Variants in COL25A1 observed in about 807,000 individuals in gnomAD.
The protein encoded by COL25A1 is collagen type XXV alpha 1 chain, also known as collagen alpha-1(XXV) chain.
COL25A1 carries 103 observed loss-of-function variants against 128.4 expected under a neutral mutation model. The ratio of observed to expected loss-of-function variants is 0.80; its 90% CI spans 0.68 to 0.94. The LOEUF (loss-of-function observed/expected upper bound fraction) is 0.94. Among genes scored for constraint, COL25A1 ranks in the 40% least tolerant of loss-of-function variants. COL25A1 has a pLI of 0.00. For synonymous variants in COL25A1, 279 were observed against 277.2 expected (o/e 1.01, Z -0.06); for missense variants, 745 against 840.0 (o/e 0.89, Z 1.40).
At position 109,232,593 on chromosome 4, in the gene COL25A1, CCTTTA is replaced by C. The variant is rs1333143238; in HGVS notation, c.367+67985_367+67989del. Among the ~76,000 whole-genome samples the C allele has an allele frequency of 2.6e-5, 4 of 152,154 alleles. No individual in the cohort carries two copies. In the East Asian group the frequency reaches 7.7e-4, roughly 29 times the overall value. ...AATTTCCTAATGTAAGCTGCATTCTCCTTTACAACACAAAATATATCCATTCAATT... is the reference window on the plus strand; with the variant it reads ...AATTTCCTAATGTAAGCTGCATTCTCCAACACAAAATATATCCATTCAATT... On this transcript the variant is annotated intron_variant, in intron 3 of 37. Transcript: ENST00000399132.
At chr4:109,256,122 T>TGTGTGTGTGTGTG (rs35464450) in intron 3 of COL25A1, among the ~76,000 whole-genome samples, 1 of 113,322 alleles carries the variant, frequency 8.8e-6, no homozygotes, top group African/African-American at 4.2e-5. Flanking sequence ...GTGTGTGTGT[T>TGTGTGTGTGTGTG]TGAGTACAAA....
chr4:109,021,428 T>C (rs888877619), intron 5 of COL25A1, among the ~76,000 whole-genome samples: 13 of 152,346 alleles, frequency 8.5e-5, no homozygotes, highest in African/African-American at 2.2e-4. Context: ...TAATTTCTTA[T>C]GCCTGTCTTA....
intron 3 of COL25A1, among the ~76,000 whole-genome samples, chr4:109,176,060 AC>A (rs1774065252): frequency 6.6e-6 from 1 of 152,140 alleles, no homozygotes; most frequent in Admixed American, 6.5e-5. Context: ...TTTATCAGAC[AC>A]CTACCAGGGC....
chr4:108,954,017 T>C (rs1414853137), intron 8 of COL25A1, among the ~76,000 whole-genome samples: 1 of 152,176 alleles, frequency 6.6e-6, no homozygotes, highest in Non-Finnish European at 1.5e-5. Flanking sequence ...CATAAAAATG[T>C]CAAAATATGA....
chr4:109,227,041 G>C (rs1355434867), intron 3 of COL25A1, among the ~76,000 whole-genome samples: 2 of 152,234 alleles, frequency 1.3e-5, no homozygotes, highest in South Asian at 2.1e-4. Flanking sequence ...AATAACCTAA[G>C]TCTTTTAACA....
At position 108,844,511 on chromosome 4, in the gene COL25A1, A is replaced by T. The variant is rs749074066; in HGVS notation, c.1629+8T>A. On this transcript the variant is annotated splice_region_variant and intron_variant, in intron 30 of 37. Transcript: ENST00000399132. ...AGCAATTACATTTCAGAAAGAAGGG[A>T]AACTTACCATGGGGCCAGGTGGGCC... 1 of 1,614,120 alleles carries T rather than the reference A, an allele frequency of 6.2e-7. No homozygotes were observed. Among genetic ancestry groups the T allele is most frequent in the South Asian group, 1.1e-5 (1 of 91,076 alleles).
chr4:108,962,211 G>T, intron 8 of COL25A1, among the ~76,000 whole-genome samples: 1 of 147,472 alleles, frequency 6.8e-6, no homozygotes, highest in African/African-American at 2.5e-5. Context: ...TTTTTGAGAC[G>T]GAGTCTCGCT....
At chr4:109,242,826 T>C (rs1028910668) in intron 3 of COL25A1, among the ~76,000 whole-genome samples, 3 of 152,080 alleles carry the variant, frequency 2.0e-5, no homozygotes, top group African/African-American at 7.2e-5. Flanking sequence ...TACAACATGA[T>C]GTTTTGATAT....
chr4:108,976,288 T>C (rs1455273640), intron 6 of COL25A1, among the ~76,000 whole-genome samples: 1 of 152,236 alleles, frequency 6.6e-6, no homozygotes, highest in Non-Finnish European at 1.5e-5. Context: ...AAAGTCAAGA[T>C]GCTTTTTAAA....
chr4:109,022,530 A>G (rs573842000), intron 5 of COL25A1, among the ~76,000 whole-genome samples: 213 of 152,352 alleles, frequency 1.4e-3, no homozygotes, highest in African/African-American at 4.7e-3. Flanking sequence ...AGTGTGTTCT[A>G]TAAGTTCAAA....
intron 31 of COL25A1, among the ~76,000 whole-genome samples, chr4:108,835,344 T>C (rs1456966951): frequency 6.6e-6 from 1 of 152,192 alleles, no homozygotes; most frequent in Non-Finnish European, 1.5e-5. Context: ...GAAAATGCAC[T>C]GGCCCTAAAA....
At chr4:109,238,235 T>C (rs1446736827) in intron 3 of COL25A1, among the ~76,000 whole-genome samples, 1 of 152,048 alleles carries the variant, frequency 6.6e-6, no homozygotes, top group African/African-American at 2.4e-5. Flanking sequence ...GGTACACTTT[T>C]ATTATTGGGC....
At chr4:109,178,429 G>A (rs1215076824) in intron 3 of COL25A1, among the ~76,000 whole-genome samples, 1 of 152,086 alleles carries the variant, frequency 6.6e-6, no homozygotes, top group Non-Finnish European at 1.5e-5. Flanking sequence ...ACTAAATGTG[G>A]AGCCAAATAA....
At chr4:109,281,831 A>G (rs1415019971) in intron 3 of COL25A1, among the ~76,000 whole-genome samples, 1 of 152,232 alleles carries the variant, frequency 6.6e-6, no homozygotes, top group Non-Finnish European at 1.5e-5. Flanking sequence ...TGCTAAAGCA[A>G]AGATAACTAT....
chr4:109,135,887 TG>T (rs1298348229), intron 3 of COL25A1, among the ~76,000 whole-genome samples: 3 of 152,236 alleles, frequency 2.0e-5, no homozygotes, highest in Non-Finnish European at 4.4e-5. Context: ...AACATAAGCT[TG>T]TTGGTCACAT....
intron 3 of COL25A1, among the ~76,000 whole-genome samples, chr4:109,142,573 T>C (rs1279296077): frequency 6.6e-6 from 1 of 152,132 alleles, no homozygotes; most frequent in East Asian, 1.9e-4. Flanking sequence ...CTCTAAGAAC[T>C]TACTTTATGA....
intron 11 of COL25A1, among the ~76,000 whole-genome samples, chr4:108,922,139 C>T (rs1745560065): frequency 6.6e-6 from 1 of 152,176 alleles, no homozygotes; most frequent in Non-Finnish European, 1.5e-5. Context: ...CACTTCTTCA[C>T]TAGTTCTTCC....
chr4:108,945,041 C>CT (rs1748560032), intron 8 of COL25A1, among the ~76,000 whole-genome samples: 1 of 152,198 alleles, frequency 6.6e-6, no homozygotes, highest in African/African-American at 2.4e-5. Flanking sequence ...GGACCCTGTG[C>CT]TTTTCAAACT....
intron 3 of COL25A1, among the ~76,000 whole-genome samples, chr4:109,247,206 T>C (rs1780325122): frequency 6.6e-6 from 1 of 151,972 alleles, no homozygotes; most frequent in Admixed American, 6.6e-5. Flanking sequence ...TCCACCAAAT[T>C]AGCCTGGTGT....
Sources: gnomAD v4.1 joint callset for allele counts (sites outside exome capture counted in the v4.1 genomes callset) on GRCh38, gnomAD v4.1.1 for gene constraint, MANE v1.5 for transcripts, NCBI Gene and HGNC (gene_info 2026-07-23, HGNC 2026-07-21) for gene names.